The following GALNT10 variants were observed in gnomAD, a reference collection of about 807,000 sequenced individuals.
GALNT10 encodes the protein GalNAc transferase 10.
In GALNT10, 41 loss-of-function variants were observed where a neutral mutation model predicts 75.0. That is an observed-to-expected ratio of 0.55 (90% CI 0.43 to 0.71). The LOEUF (loss-of-function observed/expected upper bound fraction) is 0.71, where lower values mean the gene tolerates loss of function less well. Ranked by LOEUF, GALNT10 falls within the 30% of genes least tolerant of loss-of-function variation. GALNT10 has a pLI of 0.00. For synonymous variants in GALNT10, 302 were observed against 313.0 expected (o/e 0.96, Z 0.37); for missense variants, 727 against 818.5 (o/e 0.89, Z 1.36).
chr5:154,230,286 G>A (rs146534300), intron 1 of GALNT10, among the ~76,000 whole-genome samples: 21 of 152,206 alleles, frequency 1.4e-4, no homozygotes, highest in African/African-American at 2.9e-4. Context: ...GCCTCTCTAC[G>A]CCCAGAAGTG....
intron 3 of GALNT10, among the ~76,000 whole-genome samples, chr5:154,310,817 A>G (rs935431613): frequency 1.3e-5 from 2 of 152,184 alleles, no homozygotes; most frequent in Admixed American, 1.3e-4. Flanking sequence ...TTCTCCTTTG[A>G]AATTAAATGA....
At chr5:154,277,265 T>A (rs990662429) in intron 1 of GALNT10, among the ~76,000 whole-genome samples, 14 of 151,666 alleles carry the variant, frequency 9.2e-5, no homozygotes, top group African/African-American at 3.4e-4. Flanking sequence ...TGTCTTATCT[T>A]CTGCTTGCCT....
chr5:154,340,828 C>T (rs946791802), intron 4 of GALNT10, among the ~76,000 whole-genome samples: 4 of 152,178 alleles, frequency 2.6e-5, no homozygotes, highest in Non-Finnish European at 4.4e-5. Context: ...CTGTTTACAT[C>T]AGAGGCTTAA....
At chr5:154,253,294 A>G (rs551824268) in intron 1 of GALNT10, among the ~76,000 whole-genome samples, 2 of 151,114 alleles carry the variant, frequency 1.3e-5, no homozygotes, top group Non-Finnish European at 3.0e-5. Context: ...TCGCGAGGAC[A>G]AAAAACCAAA....
chr5:154,236,376 A>G (rs1248687405), intron 1 of GALNT10, among the ~76,000 whole-genome samples: 1 of 152,240 alleles, frequency 6.6e-6, no homozygotes, highest in Non-Finnish European at 1.5e-5. Context: ...CTATTAGCAC[A>G]TTCACACTAA....
At chr5:154,235,911 G>T (rs926804366) in intron 1 of GALNT10, among the ~76,000 whole-genome samples, 3 of 152,202 alleles carry the variant, frequency 2.0e-5, no homozygotes, top group African/African-American at 7.2e-5. Flanking sequence ...AGCAAAGCCA[G>T]ACCTGGAAAT....
chr5:154,324,285 CT>C (rs1754722180), intron 3 of GALNT10, among the ~76,000 whole-genome samples: 1 of 152,248 alleles, frequency 6.6e-6, no homozygotes, highest in African/African-American at 2.4e-5. Context: ...GTGCTTCCCA[CT>C]GGGAATTGCC....
At position 154,337,830 on chromosome 5, in the gene GALNT10, C is replaced by T. The variant is rs1370484327; in HGVS notation, c.568+8092C>T. ...ACCTCCACAACCACCACCAAAGTTTCCAGAGCCACTTCAGCCTCTTGGGCT... is the reference window on the plus strand; with the variant it reads ...ACCTCCACAACCACCACCAAAGTTTTCAGAGCCACTTCAGCCTCTTGGGCT... On this transcript the variant is annotated intron_variant, in intron 4 of 11. Coordinates refer to ENST00000297107, the MANE Select transcript of GALNT10 (RefSeq NM_198321.4). 7 of 1,015,968 alleles carry T rather than the reference C, an allele frequency of 6.9e-6. No individual in the cohort carries two copies. In the East Asian group the frequency reaches 1.4e-4, roughly 21 times the overall value. The allele number at this position is 1,015,968 out of a possible 1,614,324, so 62.9% of individuals were successfully genotyped here.
chr5:154,220,278 TACTCAGTGA>T (rs1752959456), intron 1 of GALNT10: 1 of 152,236 alleles, frequency 6.6e-6, no homozygotes. Flanking sequence ...TTGCTTATAG[TACTCAGTGA>T]CACTGCCTCC....
At chr5:154,346,984 T>C (rs183817784) in intron 4 of GALNT10, 2 of 288,430 alleles carry the variant, frequency 6.9e-6, no homozygotes, top group East Asian at 1.3e-4. Context: ...TAGGAAATTC[T>C]GTGTTTATTC....
chr5:154,383,526 A>G (rs1755763243), intron 6 of GALNT10, among the ~76,000 whole-genome samples: 1 of 152,234 alleles, frequency 6.6e-6, no homozygotes, highest in Admixed American at 6.5e-5. Context: ...ACACAGCAGA[A>G]ACCAGAACAG....
chr5:154,403,080 T>C (rs1582014620), intron 7 of GALNT10, among the ~76,000 whole-genome samples: 1 of 152,230 alleles, frequency 6.6e-6, no homozygotes, highest in East Asian at 1.9e-4. Flanking sequence ...CAATATCTCA[T>C]CTTCCAGTCC....
chr5:154,308,715 G>T (rs1754469313), intron 3 of GALNT10, among the ~76,000 whole-genome samples: 6 of 152,200 alleles, frequency 3.9e-5, no homozygotes, highest in Admixed American at 3.3e-4. Context: ...CCTCCAGTCT[G>T]CAGCTCATCT....
rs756361565 is a variant in GALNT10, at chr5:154,376,788, G to A, written c.754+326G>A. ...ATTGCAAAGCAAGCCCGTGCTGTTT[G>A]CTGTTAATAGCCAAACTGTGGGGGA... is the stretch of plus-strand genomic sequence containing the variant. On this transcript the variant is annotated intron_variant, in intron 5 of 11. Coordinates refer to ENST00000297107, the MANE Select transcript of GALNT10 (RefSeq NM_198321.4). The surrounding 1 kb of genome is among the most constrained non-coding windows in gnomAD (Gnocchi z 4.1). Among the ~76,000 whole-genome samples, 1 of 152,158 alleles carries A rather than the reference G, an allele frequency of 6.6e-6. No homozygotes were observed. Among genetic ancestry groups the A allele is most frequent in the Admixed American group, 6.5e-5 (1 of 15,278 alleles).
intron 3 of GALNT10, among the ~76,000 whole-genome samples, chr5:154,302,425 T>C (rs1754375680): frequency 6.6e-6 from 1 of 152,166 alleles, no homozygotes; most frequent in Non-Finnish European, 1.5e-5. Flanking sequence ...GCGTGAACAG[T>C]GGCTGGCTGG....
rs189673768 is a variant in GALNT10, at chr5:154,266,687, C to A, written c.160-28129C>A. ...ACCAGGAGTTCAAGATAAGCCTGGA[C>A]AAGGTAGCCAGACCCTGTCTCTATA... On this transcript the variant is annotated intron_variant, in intron 1 of 11. Coordinates refer to ENST00000297107, the MANE Select transcript of GALNT10 (RefSeq NM_198321.4). 1.5e-3 allele frequency among the ~76,000 whole-genome samples: 224 copies of A among 150,854 alleles called. 1 individual carries two copies. The highest frequency in any genetic ancestry group is 5.3e-3 in the African/African-American group (218 of 41,092).
intron 1 of GALNT10, among the ~76,000 whole-genome samples, chr5:154,237,747 G>A (rs1217451926): frequency 6.6e-6 from 1 of 152,160 alleles, no homozygotes; most frequent in Non-Finnish European, 1.5e-5. Context: ...GCGTAGATGG[G>A]GGTTATGGGT....
intron 1 of GALNT10, among the ~76,000 whole-genome samples, chr5:154,237,618 C>G (rs1293354114): frequency 6.6e-6 from 1 of 152,182 alleles, no homozygotes; most frequent in Non-Finnish European, 1.5e-5. Flanking sequence ...CATTAGGTTG[C>G]TATGTCTTCT....
Position 154,352,397 on chromosome 5 carries a change from GCTTA to G in GALNT10, c.568+22662_568+22665del, listed in dbSNP as rs946142211. Among the ~76,000 whole-genome samples the G allele has an allele frequency of 2.0e-5, 3 of 152,194 alleles. No individual in the cohort carries two copies. The highest frequency in any genetic ancestry group is 7.2e-5 in the African/African-American group (3 of 41,446). On this transcript the variant is annotated intron_variant, in intron 4 of 11. Transcript: ENST00000297107. The surrounding 1 kb of genome is among the most constrained non-coding windows in gnomAD (Gnocchi z 4.4). ...TGGGGATCCTGGCCCTAGATAAAGT[GCTTA>G]CTATGTCCCAGGTGTAGTTCTAAGT... is the stretch of plus-strand genomic sequence containing the variant.
Sources: allele counts gnomAD v4.1 joint callset (sites outside exome capture counted in the v4.1 genomes callset), GRCh38; gene constraint gnomAD v4.1.1; non-coding constraint Gnocchi (gnomAD v3.1); transcripts MANE v1.5; gene names NCBI Gene and HGNC (gene_info 2026-07-23, HGNC 2026-07-21).